Variants in TMEM253 observed in about 807,000 individuals in gnomAD.
TMEM253 encodes transmembrane protein C14orf176.
TMEM253 carries 22 observed loss-of-function variants against 20.3 expected under a neutral mutation model. That is an observed-to-expected ratio of 1.08 (90% CI 0.78 to 1.55). TMEM253 has a LOEUF of 1.55. Among genes scored for constraint, TMEM253 ranks in the 40% most tolerant of loss-of-function variants. TMEM253 has a pLI of 0.00. For missense variants in TMEM253, 251 were observed against 266.1 expected, an observed-to-expected ratio of 0.94 and a Z score of 0.39; for synonymous variants, 92 against 102.6, an observed-to-expected ratio of 0.90 and a Z score of 0.62.
chr14:21,100,733 G>A (rs1004676854), upstream of TMEM253, among the ~76,000 whole-genome samples: 8 of 152,148 alleles, frequency 5.3e-5, 1 homozygote. Context: ...CCTGGTCTGG[G>A]GGCAAAGCTG....
chr14:21,101,586 G>A, intron 2 of TMEM253, 135 bp downstream of exon 2: 1 of 823,688 alleles, frequency 1.2e-6, no homozygotes, highest in Admixed American at 2.8e-5. Context: ...ATGGGAGGAG[G>A]GTAGAGGAAA....
intron 4 of TMEM253, 58 bp downstream of exon 4, chr14:21,102,178 C>T (rs1186554623): frequency 6.6e-7 from 1 of 1,509,814 alleles, no homozygotes; most frequent in Non-Finnish European, 8.9e-7. Context: ...ACACCTACAA[C>T]CCTCAGCCTA....
upstream of TMEM253, chr14:21,098,918 CT>C: frequency 8.2e-7 from 1 of 1,214,778 alleles, no homozygotes; most frequent in South Asian, 1.3e-5. Flanking sequence ...TTCTGTCTCT[CT>C]TTTGGGGGAG....
chr14:21,102,746 G>C, exon 6 of TMEM253: 2 of 1,551,090 alleles, frequency 1.3e-6, no homozygotes, highest in Non-Finnish European at 1.7e-6. Context: ...GATGCTGCAG[G>C]AGCCAGAGTC....
At chr14:21,101,587 G>A (rs1367693348) in intron 2 of TMEM253, 136 bp downstream of exon 2, 1 of 820,628 alleles carries the variant, frequency 1.2e-6, no homozygotes, top group Non-Finnish European at 1.9e-6. Flanking sequence ...TGGGAGGAGG[G>A]TAGAGGAAAA....
At chr14:21,100,632 A>G (rs1889576291), upstream of TMEM253, among the ~76,000 whole-genome samples, 2 of 152,200 alleles carry the variant, frequency 1.3e-5, no homozygotes, top group Admixed American at 1.3e-4. Context: ...CCATTGAGTC[A>G]GTGTTCAGTT....
chr14:21,102,119 AG>A lies in TMEM253; in HGVS notation c.276+1del. ...CTTCGCAGAGCACCCCGCCTTTGGA[AG>A]GTGAGAGGGAAGAAAACGCAGCACT... is the stretch of plus-strand genomic sequence containing the variant. On this transcript the variant is annotated frameshift_variant and splice_region_variant, in exon 4 of 7. Coordinates refer to ENST00000556585, the Ensembl canonical transcript of TMEM253. LOFTEE classifies it high-confidence loss of function. The A allele has an allele frequency of 6.4e-7, 1 of 1,550,830 alleles. No individual in the cohort carries two copies. Among genetic ancestry groups the A allele is most frequent in the Non-Finnish European group, 8.7e-7 (1 of 1,146,516 alleles).
chr14:21,102,255 G>A, intron 4 of TMEM253, 135 bp downstream of exon 4: 7 of 1,403,716 alleles, frequency 5.0e-6, no homozygotes, highest in South Asian at 1.4e-5. Flanking sequence ...CAATCACTGA[G>A]GAGGAAAGCA....
intron 6 of TMEM253, 53 bp downstream of exon 6, chr14:21,102,832 A>G: frequency 6.5e-7 from 1 of 1,533,978 alleles, no homozygotes; most frequent in Non-Finnish European, 8.7e-7. Flanking sequence ...TAATTTTTCC[A>G]CTGCCTATCC....
exon 7 of TMEM253, chr14:21,103,199 G>A (rs1285476088): frequency 6.4e-7 from 1 of 1,551,580 alleles, no homozygotes; most frequent in East Asian, 2.4e-5. Flanking sequence ...GGCCAGCACA[G>A]GAGCAAATGA....
exon 7 of TMEM253, chr14:21,103,269 T>G (rs1422917885): frequency 6.5e-7 from 1 of 1,549,042 alleles, no homozygotes. Flanking sequence ...GAGAATGCTC[T>G]CCAGACATTC....
At chr14:21,103,489 C>A in exon 7 of TMEM253, 2 of 589,518 alleles carry the variant, frequency 3.4e-6, no homozygotes, top group Non-Finnish European at 5.7e-6. Context: ...CTTCCTGTCA[C>A]CTCCCCATAC....
intron 1 of TMEM253, 40 bp downstream of exon 1, chr14:21,101,224 G>A: frequency 1.1e-6 from 1 of 881,194 alleles, no homozygotes; most frequent in South Asian, 1.6e-5. Flanking sequence ...CTGGATATTG[G>A]GAGTGGGCAG....
intron 6 of TMEM253, 79 bp from the exon 7 acceptor site, chr14:21,103,060 A>G (rs1889747561): frequency 6.5e-7 from 1 of 1,547,136 alleles, no homozygotes; most frequent in African/African-American, 1.4e-5. Flanking sequence ...AAAATTGGGC[A>G]GGAGGAAGCA....
chr14:21,101,746 T>G, intron 2 of TMEM253, 119 bp from the exon 3 acceptor site: 1 of 787,540 alleles, frequency 1.3e-6, no homozygotes. Flanking sequence ...TGCTCTGGGT[T>G]GACTGCTTTC....
chr14:21,102,373 GGCTGGGCAGGGCTGA>G lies in TMEM253; in HGVS notation c.277-26_277-12del. On this transcript the variant is annotated splice_polypyrimidine_tract_variant and intron_variant, in intron 4 of 6. Transcript: ENST00000556585. Reference sequence around the variant, plus strand: ...GATTGAGGTTGGAATGACTCCCCTAGGCTGGGCAGGGCTGAGCTGGCTCACTGGCAGGTGCGGGCC... The same window carrying G: ...GATTGAGGTTGGAATGACTCCCCTAGGCTGGCTCACTGGCAGGTGCGGGCC... 1 of 1,550,690 alleles carries G rather than the reference GGCTGGGCAGGGCTGA, an allele frequency of 6.4e-7. No homozygotes were observed. The highest frequency in any genetic ancestry group is 8.7e-7 in the Non-Finnish European group (1 of 1,146,266).
upstream of TMEM253, chr14:21,098,950 A>G: frequency 4.7e-6 from 4 of 852,660 alleles, no homozygotes; most frequent in African/African-American, 1.8e-5. Flanking sequence ...GATTATAGAG[A>G]TAGTTAATGT....
exon 7 of TMEM253, chr14:21,103,251 C>T: frequency 1.9e-6 from 3 of 1,551,348 alleles, no homozygotes; most frequent in Non-Finnish European, 2.6e-6. Context: ...GCTCTCCTTC[C>T]ACCCTGAGAG....
At chr14:21,101,919 T>G (rs1317781577) in exon 3 of TMEM253, 2 of 1,551,662 alleles carry the variant, frequency 1.3e-6, no homozygotes, top group Admixed American at 3.9e-5. Flanking sequence ...CTCAGTCGCC[T>G]GCCTGAACTC....
Sources: allele counts gnomAD v4.1 joint callset (sites outside exome capture counted in the v4.1 genomes callset), GRCh38; gene constraint gnomAD v4.1.1; transcripts MANE v1.5; gene names NCBI Gene and HGNC (gene_info 2026-07-23, HGNC 2026-07-21).